The following CAPZB variants were observed in gnomAD, a reference collection of about 807,000 sequenced individuals.
The protein encoded by CAPZB is capping actin protein of muscle Z-line subunit beta, also known as F-actin-capping protein subunit beta.
Under a neutral mutation model 38.1 loss-of-function variants are expected in CAPZB, and 2 were observed. That is an observed-to-expected ratio of 0.05 (90% CI 0.02 to 0.17). CAPZB has a LOEUF of 0.17. CAPZB is among the 10% of genes least tolerant of loss of function. CAPZB has a pLI of 1.00. For missense variants in CAPZB, 161 were observed against 334.2 expected (o/e 0.48, Z 4.04); for synonymous variants, 107 against 127.4 (o/e 0.84, Z 1.08).
At chr1:19,378,226 T>C (rs2094153396) in intron 4 of CAPZB, among the ~76,000 whole-genome samples, 1 of 152,234 alleles carries the variant, frequency 6.6e-6, no homozygotes. Context: ...GTAGGCACTG[T>C]ACCAGTGGCA....
At chr1:19,431,207 A>G (rs2094440678) in intron 1 of CAPZB, among the ~76,000 whole-genome samples, 1 of 152,126 alleles carries the variant, frequency 6.6e-6, no homozygotes, top group Non-Finnish European at 1.5e-5. Context: ...AAAAATCCAA[A>G]TCCCAAACTT....
chr1:19,384,294 A>G (rs2094192733), intron 3 of CAPZB, among the ~76,000 whole-genome samples: 1 of 151,522 alleles, frequency 6.6e-6, no homozygotes, highest in African/African-American at 2.4e-5. Context: ...TGCCAGCTCC[A>G]TCCTGGTGAG....
intron 2 of CAPZB, among the ~76,000 whole-genome samples, chr1:19,410,561 A>G (rs1205062897): frequency 1.3e-5 from 2 of 152,166 alleles, no homozygotes; most frequent in Non-Finnish European, 2.9e-5. Context: ...GGTTCCCCAC[A>G]GCCCAGCCGG....
intron 1 of CAPZB, among the ~76,000 whole-genome samples, chr1:19,461,104 G>GA (rs1485660197): frequency 6.7e-6 from 1 of 150,014 alleles, no homozygotes; most frequent in Non-Finnish European, 1.5e-5. Context: ...GGCGGGGGGG[G>GA]GAGGGGCGGG....
intron 2 of CAPZB, among the ~76,000 whole-genome samples, chr1:19,396,505 C>T (rs575678191): frequency 2.0e-5 from 3 of 152,284 alleles, no homozygotes; most frequent in South Asian, 4.1e-4. Context: ...GTGGAGCTGC[C>T]GCTGCCCCTC....
rs1349272710 is a variant in CAPZB at position 19,356,285 on chromosome 1, G to A, written c.588+350C>T. On this transcript the variant is annotated intron_variant, in intron 6 of 8. Coordinates refer to ENST00000264202, the MANE Select transcript of CAPZB (RefSeq NM_004930.5). This position sits in a 1 kb window ranked among gnomAD's most constrained non-coding sequence, Gnocchi z 4.3. ...CTGCTCCCAGAGAGCTGGCCTGACTGATGGGCTGGGCATGGCCACAGAGAC... is the reference window on the plus strand; with the variant it reads ...CTGCTCCCAGAGAGCTGGCCTGACTAATGGGCTGGGCATGGCCACAGAGAC... Among the ~76,000 whole-genome samples, 1 of 151,654 alleles carries A rather than the reference G, an allele frequency of 6.6e-6. No homozygotes were observed. The highest frequency in any genetic ancestry group is 1.5e-5 in the Non-Finnish European group (1 of 67,958).
At chr1:19,377,907 G>T (rs1315185087) in intron 4 of CAPZB, among the ~76,000 whole-genome samples, 1 of 152,186 alleles carries the variant, frequency 6.6e-6, no homozygotes, top group Non-Finnish European at 1.5e-5. Flanking sequence ...AACAACTCAG[G>T]ATTCAGGAAG....
intron 2 of CAPZB, among the ~76,000 whole-genome samples, chr1:19,418,458 G>T (rs769209282): frequency 6.6e-6 from 1 of 152,156 alleles, no homozygotes; most frequent in Non-Finnish European, 1.5e-5. Context: ...CTGTCTGGCA[G>T]GACCCTCTCT....
chr1:19,477,546 G>A (rs2094611112), intron 1 of CAPZB, among the ~76,000 whole-genome samples: 2 of 152,180 alleles, frequency 1.3e-5, no homozygotes, highest in Admixed American at 6.5e-5. Flanking sequence ...AAACTGCAAC[G>A]CAGGGAGCCC....
intron 6 of CAPZB, among the ~76,000 whole-genome samples, chr1:19,347,911 A>AT (rs1480264745): frequency 1.3e-5 from 2 of 152,202 alleles, no homozygotes; most frequent in Admixed American, 6.5e-5. Flanking sequence ...CGCCAGTTAA[A>AT]TGTACCAGGG....
intron 2 of CAPZB, among the ~76,000 whole-genome samples, chr1:19,387,176 A>T (rs1476170508): frequency 2.0e-5 from 3 of 152,220 alleles, no homozygotes; most frequent in African/African-American, 7.2e-5. Context: ...CGGGAGCCAT[A>T]AAGTTACCCA....
At chr1:19,362,299 T>C (rs1196323040) in intron 4 of CAPZB, among the ~76,000 whole-genome samples, 3 of 152,172 alleles carry the variant, frequency 2.0e-5, no homozygotes, top group Non-Finnish European at 4.4e-5. Context: ...TGCAGTGGCA[T>C]GACCTCAGCT....
chr1:19,379,634 C>T (rs1007701918), intron 3 of CAPZB, among the ~76,000 whole-genome samples: 9 of 152,154 alleles, frequency 5.9e-5, no homozygotes, highest in Admixed American at 5.2e-4. Flanking sequence ...AAGAGCTATG[C>T]ACACATATGA....
At chr1:19,473,813 G>A (rs2094597809) in intron 1 of CAPZB, among the ~76,000 whole-genome samples, 1 of 152,146 alleles carries the variant, frequency 6.6e-6, no homozygotes, top group Non-Finnish European at 1.5e-5. Flanking sequence ...GCAGTGAGCT[G>A]AGACCACGCC....
At chr1:19,434,473 C>A (rs1317964075) in intron 1 of CAPZB, among the ~76,000 whole-genome samples, 1 of 150,068 alleles carries the variant, frequency 6.7e-6, no homozygotes, top group African/African-American at 2.4e-5. Context: ...ATCTATAATC[C>A]TAGCACTTTG....
intron 1 of CAPZB, among the ~76,000 whole-genome samples, chr1:19,440,118 A>G (rs892802491): frequency 6.6e-6 from 1 of 152,238 alleles, no homozygotes; most frequent in African/African-American, 2.4e-5. Context: ...CATTCAGGAA[A>G]TACCTTAATA....
intron 2 of CAPZB, among the ~76,000 whole-genome samples, chr1:19,403,930 T>G (rs2094316422): frequency 6.6e-6 from 1 of 152,164 alleles, no homozygotes; most frequent in Non-Finnish European, 1.5e-5. Flanking sequence ...CCCTGTCACA[T>G]GCCCTACTTA....
At chr1:19,372,686 C>T (rs2094125078) in intron 4 of CAPZB, among the ~76,000 whole-genome samples, 1 of 152,160 alleles carries the variant, frequency 6.6e-6, no homozygotes, top group Admixed American at 6.5e-5. Context: ...AGGCTTGGAC[C>T]TAAGAAAGCA....
At chr1:19,374,764 T>C (rs572781487) in intron 4 of CAPZB, among the ~76,000 whole-genome samples, 3 of 152,284 alleles carry the variant, frequency 2.0e-5, no homozygotes, top group East Asian at 1.9e-4. Flanking sequence ...GACGGGAGCA[T>C]TGGGTGGAGG....
Sources: gnomAD v4.1 joint callset for allele counts (sites outside exome capture counted in the v4.1 genomes callset) on GRCh38, gnomAD v4.1.1 for gene constraint, Gnocchi (gnomAD v3.1) non-coding constraint, MANE v1.5 for transcripts, NCBI Gene and HGNC (gene_info 2026-07-23, HGNC 2026-07-21) for gene names.